The following DMD variants were observed in gnomAD, a reference collection of about 807,000 sequenced individuals.
The protein encoded by DMD is mutant dystrophin.
In DMD, 63 loss-of-function variants were observed where a neutral mutation model predicts 330.1. The ratio of observed to expected loss-of-function variants is 0.19; its 90% confidence interval spans 0.16 to 0.24. DMD has a LOEUF of 0.24. Ranked by LOEUF, DMD falls within the 10% of genes least tolerant of loss-of-function variation. DMD has a pLI of 1.00. For missense variants in DMD, 3,344 were observed against 2,684.1 expected (o/e 1.25, Z -5.43); for synonymous variants, 1,223 against 959.8 (o/e 1.27, Z -5.07).
chrX:31,400,352 C>T (rs1020880753), intron 60 of DMD, among the ~76,000 whole-genome samples: 6 of 111,234 alleles, frequency 5.4e-5, no homozygotes, highest in African/African-American at 2.0e-4. Context: ...CAAGTTGTCC[C>T]ACCCTTCTGG....
intron 62 of DMD, among the ~76,000 whole-genome samples, chrX:31,290,445 T>G (rs1384700043): frequency 9.0e-6 from 1 of 111,400 alleles, no homozygotes; most frequent in African/African-American, 3.3e-5. Context: ...TCATGTCAAC[T>G]AAATACAATT....
chrX:32,225,724 C>T (rs2097145476), intron 43 of DMD, among the ~76,000 whole-genome samples: 1 of 109,240 alleles, frequency 9.2e-6, no homozygotes, highest in South Asian at 4.1e-4. Context: ...CACCCACCCC[C>T]ACCACCAACT....
At position 31,745,452 on chromosome X, in the gene DMD, G is replaced by A. The variant is rs145155435; in HGVS notation, c.7543-15704C>T. 1.2e-4 allele frequency among the ~76,000 whole-genome samples: 13 copies of A among 111,725 alleles called. No homozygotes were observed. The East Asian group carries it at 1.7e-3, about 15-fold the overall frequency. ...GTGGCATGTTAGAAATATTAACCTC[G>A]TACAACTGCATCCAATGTCCCTTCC... On this transcript the variant is annotated intron_variant, in intron 51 of 78. Transcript: ENST00000357033.
intron 18 of DMD, among the ~76,000 whole-genome samples, chrX:32,502,304 G>A (rs1259829442): frequency 9.0e-6 from 1 of 111,020 alleles, no homozygotes; most frequent in African/African-American, 3.3e-5. Context: ...TAATTTAGCA[G>A]AAATATATAA....
At chrX:31,596,398 T>C in intron 55 of DMD, among the ~76,000 whole-genome samples, 1 of 112,006 alleles carries the variant, frequency 8.9e-6, no homozygotes, top group South Asian at 3.7e-4. Flanking sequence ...GAGTTCTCTG[T>C]TTAAGCATAT....
chrX:31,884,460 CAG>C (rs769545994), intron 47 of DMD, among the ~76,000 whole-genome samples: 13 of 110,892 alleles, frequency 1.2e-4, no homozygotes, highest in Admixed American at 3.8e-4. Context: ...CTCAGAGAAA[CAG>C]AGAAAAATGG....
chrX:32,949,215 G>A (rs962820911), intron 2 of DMD, among the ~76,000 whole-genome samples: 3 of 106,466 alleles, frequency 2.8e-5, no homozygotes, highest in Non-Finnish European at 5.8e-5. Context: ...TTTTGAAGTT[G>A]TAATGTCTTA....
intron 2 of DMD, among the ~76,000 whole-genome samples, chrX:32,908,961 A>C (rs1333700650): frequency 1.8e-5 from 2 of 111,282 alleles, no homozygotes; most frequent in Non-Finnish European, 3.8e-5. Flanking sequence ...AGATGTGTTC[A>C]AGAAATCCTC....
intron 44 of DMD, among the ~76,000 whole-genome samples, chrX:32,032,549 A>G (rs2095893650): frequency 8.9e-6 from 1 of 111,766 alleles, no homozygotes; most frequent in African/African-American, 3.2e-5. Flanking sequence ...AAGCGCTTAG[A>G]TGTAAACTAC....
intron 50 of DMD, among the ~76,000 whole-genome samples, chrX:31,800,184 G>A (rs954982522): frequency 1.8e-5 from 2 of 112,645 alleles, no homozygotes; most frequent in Non-Finnish European, 3.8e-5. Flanking sequence ...GTGGAGCTCC[G>A]ACCCCACATT....
chrX:31,179,134 GT>G (rs746439195), intron 69 of DMD, among the ~76,000 whole-genome samples: 86 of 112,611 alleles, frequency 7.6e-4, no homozygotes, highest in Non-Finnish European at 1.3e-3. Flanking sequence ...GGTCAAAAAG[GT>G]GACATTAAAT....
rs1488532734 is a variant in DMD at position 32,386,300 on chromosome X, A to G, written c.4674+10T>C. The G allele has an allele frequency of 8.3e-7, 1 of 1,206,263 alleles. No homozygotes were observed. The highest frequency in any genetic ancestry group is 3.0e-5 in the East Asian group (1 of 33,674). On this transcript the variant is annotated intron_variant, in intron 33 of 78. Transcript: ENST00000357033. Reference sequence around the variant, plus strand: ...GGAAAGAAGTGTTTGTGGTCTCAGCATGCACACACCTTTGCTCCCAGCTCA... The same window carrying G: ...GGAAAGAAGTGTTTGTGGTCTCAGCGTGCACACACCTTTGCTCCCAGCTCA...
intron 55 of DMD, among the ~76,000 whole-genome samples, chrX:31,535,843 G>A (rs1384426328): frequency 1.8e-5 from 2 of 111,628 alleles, no homozygotes; most frequent in Non-Finnish European, 3.8e-5. Flanking sequence ...CTAATCCGGG[G>A]TTTTCTGTTA....
intron 17 of DMD, among the ~76,000 whole-genome samples, chrX:32,529,155 G>A (rs1301405893): frequency 3.0e-4 from 32 of 106,053 alleles, no homozygotes; most frequent in Non-Finnish European, 2.9e-4. Context: ...TCGATCTCCT[G>A]ACCTTGTGAT....
chrX:32,943,342 A>T (rs1265015858), intron 2 of DMD, among the ~76,000 whole-genome samples: 3 of 111,660 alleles, frequency 2.7e-5, no homozygotes, highest in African/African-American at 6.5e-5. Flanking sequence ...ACTTAAAATT[A>T]GGTAGGAATG....
chrX:31,229,788 A>G (rs958508245), intron 63 of DMD, among the ~76,000 whole-genome samples: 9 of 112,021 alleles, frequency 8.0e-5, no homozygotes, highest in African/African-American at 2.9e-4. Flanking sequence ...GAAAGGTGGC[A>G]TATTTTAAAA....
At chrX:33,147,755 C>G (rs953319381) in intron 1 of DMD, among the ~76,000 whole-genome samples, 2 of 110,932 alleles carry the variant, frequency 1.8e-5, no homozygotes, top group Non-Finnish European at 3.8e-5. Flanking sequence ...GAATTGGTCT[C>G]GAGTATCATT....
At chrX:31,359,415 G>A (rs765872953) in intron 60 of DMD, among the ~76,000 whole-genome samples, 15 of 111,812 alleles carry the variant, frequency 1.3e-4, no homozygotes, top group African/African-American at 3.2e-4. Flanking sequence ...GAAATGCCAC[G>A]AATTTTATGA....
At chrX:31,486,875 C>A (rs2068849077) in intron 57 of DMD, among the ~76,000 whole-genome samples, 1 of 111,981 alleles carries the variant, frequency 8.9e-6, no homozygotes, top group Non-Finnish European at 1.9e-5. Flanking sequence ...AAAGGACCTT[C>A]TTTATTTAAA....
Sources: gnomAD v4.1 joint callset for allele counts (sites outside exome capture counted in the v4.1 genomes callset) on GRCh38, gnomAD v4.1.1 for gene constraint, MANE v1.5 for transcripts, NCBI Gene and HGNC (gene_info 2026-07-23, HGNC 2026-07-21) for gene names.